FAM120C: variants seen among roughly 807,000 people sequenced by gnomAD.
FAM120C encodes family with sequence similarity 120 member C.
FAM120C carries 14 observed loss-of-function variants against 71.2 expected under a neutral mutation model. The ratio of observed to expected loss-of-function variants is 0.20; its 90% confidence interval spans 0.13 to 0.31. FAM120C has a LOEUF of 0.31. FAM120C is among the 10% of genes least tolerant of loss of function. FAM120C has a pLI of 1.00. For missense variants in FAM120C, 500 were observed against 879.0 expected, an observed-to-expected ratio of 0.57 and a Z score of 5.45; for synonymous variants, 354 against 353.2, an observed-to-expected ratio of 1.00 and a Z score of -0.03.
At chrX:54,137,259 T>G (rs1557130773) in intron 4 of FAM120C, among the ~76,000 whole-genome samples, 1 of 111,646 alleles carries the variant, frequency 9.0e-6, no homozygotes, top group African/African-American at 3.3e-5. Flanking sequence ...GGCCAATTTT[T>G]TTTTATTTTT....
chrX:54,078,493 A>G (rs1230496141), intron 15 of FAM120C, among the ~76,000 whole-genome samples: 1 of 111,731 alleles, frequency 9.0e-6, no homozygotes, highest in African/African-American at 3.3e-5. Context: ...TTTGCGTGGG[A>G]GACTTACTAT....
At chrX:54,103,496 ATTTATGTGAGGCATGG>A (rs1378956606) in intron 10 of FAM120C, among the ~76,000 whole-genome samples, 2 of 112,059 alleles carry the variant, frequency 1.8e-5, no homozygotes, top group African/African-American at 6.5e-5. Context: ...TCCATCTGGA[ATTTATGTGAGGCATGG>A]CTCTAAATGG....
At chrX:54,095,709 T>A (rs2066847937) in intron 10 of FAM120C, among the ~76,000 whole-genome samples, 1 of 109,294 alleles carries the variant, frequency 9.1e-6, no homozygotes, top group East Asian at 2.9e-4. Context: ...CAGGCTGGAG[T>A]GCAATGGCAC....
chrX:54,099,570 CGTG>C (rs1187561502), intron 10 of FAM120C, among the ~76,000 whole-genome samples: 1 of 111,711 alleles, frequency 9.0e-6, no homozygotes, highest in Non-Finnish European at 1.9e-5. Context: ...AACCTGAGTT[CGTG>C]AAGAATACCT....
intron 4 of FAM120C, among the ~76,000 whole-genome samples, chrX:54,140,016 G>A (rs1451763582): frequency 9.0e-6 from 1 of 111,195 alleles, no homozygotes; most frequent in Non-Finnish European, 1.9e-5. Flanking sequence ...GTTCCCGGCC[G>A]GGCACGGTGG....
At chrX:54,157,030 C>G (rs1411393175) in intron 3 of FAM120C, among the ~76,000 whole-genome samples, 1 of 109,367 alleles carries the variant, frequency 9.1e-6, no homozygotes, top group Non-Finnish European at 1.9e-5. Context: ...ACCTGGACAA[C>G]AGAGTGAGAC....
At chrX:54,124,451 C>T (rs1261990146) in intron 9 of FAM120C, among the ~76,000 whole-genome samples, 1 of 73,224 alleles carries the variant, frequency 1.4e-5, no homozygotes, top group Admixed American at 1.7e-4. Context: ...GTCTGAAAAG[C>T]GCAATATTCG....
chrX:54,107,692 TG>T (rs1375177052), intron 10 of FAM120C, among the ~76,000 whole-genome samples: 1 of 102,451 alleles, frequency 9.8e-6, no homozygotes, highest in Non-Finnish European at 2.0e-5. Flanking sequence ...GGCTAATTTT[TG>T]TATTTTTAGT....
chrX:54,117,990 G>A (rs924267785), intron 9 of FAM120C, among the ~76,000 whole-genome samples: 1 of 111,356 alleles, frequency 9.0e-6, no homozygotes, highest in African/African-American at 3.3e-5. Context: ...TTGGGAGGCC[G>A]AGGCGGGCGG....
At chrX:54,165,904 T>C (rs1022414849) in intron 1 of FAM120C, among the ~76,000 whole-genome samples, 1 of 110,930 alleles carries the variant, frequency 9.0e-6, no homozygotes, top group Non-Finnish European at 1.9e-5. Flanking sequence ...GTCAATACTC[T>C]TGACTATATG....
Position 54,072,952 on chromosome X carries a change from A to T in FAM120C, c.*81T>A. On this transcript the variant is annotated 3_prime_UTR_variant, in exon 16 of 16. Transcript: ENST00000375180. ...GGAGAAATCTAGGGTAAGCATTTAT[A>T]TCCTCCTCTAGCTTGGGCCTAAAAT... 9.3e-7 allele frequency: 1 copy of T among 1,070,245 alleles called. No individual in the cohort carries two copies. Among genetic ancestry groups the T allele is most frequent in the Non-Finnish European group, 1.2e-6 (1 of 802,089 alleles). The allele number at this position is 1,070,245 out of a possible 1,213,427, so 88.2% of individuals were successfully genotyped here.
chrX:54,073,340 C>A, intron 15 of FAM120C, 53 bp from the exon 16 acceptor site: 1 of 1,131,094 alleles, frequency 8.8e-7, no homozygotes. Context: ...CTGGCTGACC[C>A]TTCCTAAGCA....
chrX:54,094,792 G>A (rs969468122), intron 10 of FAM120C, among the ~76,000 whole-genome samples: 3 of 110,634 alleles, frequency 2.7e-5, no homozygotes, highest in Non-Finnish European at 5.7e-5. Flanking sequence ...AGCTACTGGG[G>A]AGGCTGAGGC....
At chrX:54,080,442 T>C (rs2066758625) in intron 14 of FAM120C, among the ~76,000 whole-genome samples, 153 bp from the exon 15 acceptor site, 1 of 112,025 alleles carries the variant, frequency 8.9e-6, no homozygotes, top group Admixed American at 9.6e-5. Flanking sequence ...TCTTGGTCAT[T>C]CCTATATTGT....
In FAM120C at chrX:54,153,411, T is replaced by A. The variant is rs186286259; in HGVS notation, c.1030-2038A>T. Among the ~76,000 whole-genome samples, 288 of 102,833 alleles carry A rather than the reference T, an allele frequency of 2.8e-3. 1 individual carries two copies. Among genetic ancestry groups the A allele is most frequent in the Admixed American group, 5.1e-3 (48 of 9,432 alleles). The allele number at this position is 102,833 out of a possible 115,157, so 89.3% of individuals were successfully genotyped here. A position where few individuals can be genotyped will look rare whatever the true frequency, so the allele number is the denominator to read the frequency against. On this transcript the variant is annotated intron_variant, in intron 3 of 15. Transcript: ENST00000375180. ...CATGAAGAGCCACTGGATAATATATTTTTTTTTTTTTTTTGAGACGGAGTC... is the reference window on the plus strand; with the variant it reads ...CATGAAGAGCCACTGGATAATATATATTTTTTTTTTTTTTGAGACGGAGTC...
Position 54,155,670 on chromosome X carries a change from A to G in FAM120C, c.1029+2019T>C, listed in dbSNP as rs2067205847. Among the ~76,000 whole-genome samples, 3 of 111,592 alleles carry G rather than the reference A, an allele frequency of 2.7e-5. No homozygotes were observed. The Admixed American group carries it at 2.9e-4, about 11-fold the overall frequency. On this transcript the variant is annotated intron_variant, in intron 3 of 15. Transcript: ENST00000375180. Reference sequence around the variant, plus strand: ...TGAGGTCAGAGGCTTTTTTAAAAAAAAAATAAAGTTGTATTTTTAAACTTC... The same window carrying G: ...TGAGGTCAGAGGCTTTTTTAAAAAAGAAATAAAGTTGTATTTTTAAACTTC...
At chrX:54,129,023 GCTC>G (rs1325355139) in intron 9 of FAM120C, among the ~76,000 whole-genome samples, 1 of 109,967 alleles carries the variant, frequency 9.1e-6, no homozygotes, top group Non-Finnish European at 1.9e-5. Context: ...GGGCAGAGGG[GCTC>G]CTCACTTCCC....
chrX:54,177,070 G>A (rs1313963701), intron 1 of FAM120C, among the ~76,000 whole-genome samples: 2 of 111,042 alleles, frequency 1.8e-5, no homozygotes, highest in Non-Finnish European at 3.8e-5. Context: ...GAGAGGACAC[G>A]GTATGTCTAG....
intron 4 of FAM120C, among the ~76,000 whole-genome samples, chrX:54,143,031 A>G (rs782017464): frequency 8.9e-6 from 1 of 111,930 alleles, no homozygotes; most frequent in African/African-American, 3.2e-5. Flanking sequence ...GAGGGTCCTG[A>G]CTGTTAGAAG....
Sources: allele counts gnomAD v4.1 joint callset (sites outside exome capture counted in the v4.1 genomes callset), GRCh38; gene constraint gnomAD v4.1.1; transcripts MANE v1.5; gene names NCBI Gene and HGNC (gene_info 2026-07-23, HGNC 2026-07-21).